DRGX: variants seen among roughly 807,000 people sequenced by gnomAD.
DRGX encodes the protein dorsal root ganglia homeobox protein.
Under a neutral mutation model 28.6 loss-of-function variants are expected in DRGX, and 21 were observed. That is an observed-to-expected ratio of 0.73 (90% confidence interval 0.52 to 1.06). The LOEUF (loss-of-function observed/expected upper bound fraction) is 1.06. DRGX is among the 50% of genes least tolerant of loss of function. The pLI, the probability that DRGX is intolerant of heterozygous loss-of-function variation, is 0.00. For synonymous variants in DRGX, 136 were observed against 139.1 expected (o/e 0.98, Z 0.16); for missense variants, 354 against 343.9 (o/e 1.03, Z -0.23).
intron 6 of DRGX, among the ~76,000 whole-genome samples, chr10:49,381,493 G>A (rs1440901132): frequency 2.0e-5 from 3 of 152,238 alleles, no homozygotes; most frequent in East Asian, 3.8e-4. Flanking sequence ...CAACCCTGCT[G>A]TGCTAGCATC....
chr10:49,384,790 T>G (rs1436217627), intron 6 of DRGX, among the ~76,000 whole-genome samples: 2 of 152,306 alleles, frequency 1.3e-5, no homozygotes, highest in East Asian at 3.9e-4. Flanking sequence ...CCCACCCTCC[T>G]GGCTGCAGTC....
At chr10:49,390,314 T>A in intron 3 of DRGX, 80 bp from the exon 4 acceptor site, 1 of 1,225,308 alleles carries the variant, frequency 8.2e-7, no homozygotes, top group Non-Finnish European at 1.2e-6. Flanking sequence ...AAATCTCCTG[T>A]GAGTGGTGAG....
intron 6 of DRGX, among the ~76,000 whole-genome samples, chr10:49,374,773 CT>C (rs2132473346): frequency 6.6e-6 from 1 of 152,324 alleles, no homozygotes; most frequent in East Asian, 1.9e-4. Context: ...TGTCTCGTCT[CT>C]GCCAATAGCA....
intron 6 of DRGX, among the ~76,000 whole-genome samples, chr10:49,385,552 T>A (rs1358925828): frequency 6.6e-6 from 1 of 152,158 alleles, no homozygotes; most frequent in Middle Eastern, 3.2e-3. Context: ...AGAAACCACC[T>A]TTGCAACACA....
chr10:49,382,832 A>G (rs189774886), intron 6 of DRGX, among the ~76,000 whole-genome samples: 493 of 152,304 alleles, frequency 3.2e-3, no homozygotes, highest in African/African-American at 0.011. Context: ...GACACTGTCT[A>G]GGGAGACTCT....
At chr10:49,372,666 A>G (rs757077581) in intron 6 of DRGX, among the ~76,000 whole-genome samples, 2 of 152,326 alleles carry the variant, frequency 1.3e-5, no homozygotes, top group Non-Finnish European at 2.9e-5. Flanking sequence ...TCCCCAGAGG[A>G]CACCATGATG....
At chr10:49,376,962 C>G (rs1022072974) in intron 6 of DRGX, among the ~76,000 whole-genome samples, 1 of 152,226 alleles carries the variant, frequency 6.6e-6, no homozygotes, top group Non-Finnish European at 1.5e-5. Context: ...AAGCCCACCC[C>G]CTAGCCCTCC....
At position 49,371,940 on chromosome 10, in the gene DRGX, A is replaced by G. The variant is rs1849663832; in HGVS notation, c.527-5559T>C. Among the ~76,000 whole-genome samples the G allele has an allele frequency of 2.0e-5, 3 of 152,200 alleles. No individual in the cohort carries two copies. In the South Asian group the frequency reaches 6.2e-4, roughly 31 times the overall value. On this transcript the variant is annotated intron_variant, in intron 6 of 6. Transcript: ENST00000374139. ...CTGATTTCCAAGACTGCCACAAACT[A>G]GAAAGAAATGTGACTGCTAGTGGCA...
At chr10:49,389,403 AC>A (rs370551266) in intron 4 of DRGX, among the ~76,000 whole-genome samples, 51 of 152,276 alleles carry the variant, frequency 3.3e-4, no homozygotes, top group African/African-American at 1.2e-3. Context: ...CATGGAGGAA[AC>A]CCCATAAATA....
In DRGX at chr10:49,386,769, C is replaced by T. The variant is rs1267317978; in HGVS notation, c.324G>A (p.Glu108=). The T allele has an allele frequency of 5.0e-6, 8 of 1,610,570 alleles. No homozygotes were observed. Among genetic ancestry groups the T allele is most frequent in the Non-Finnish European group, 6.8e-6 (8 of 1,178,424 alleles). The change falls in exon 5 of 7, where the codon GAG becomes GAA. Residue 108 remains glutamate, a synonymous_variant. Coordinates refer to ENST00000374139, the MANE Select transcript of DRGX (RefSeq NM_001276451.2). ...TGTTTCTCACTGGAGGAGGTGTCACCTCTGCCATGGGCTCCTTGGCTCCTG... is the reference window on the plus strand; with the variant it reads ...TGTTTCTCACTGGAGGAGGTGTCACTTCTGCCATGGGCTCCTTGGCTCCTG... ...QEPGAKEPMA[E]VTPPPVRNIN...
chr10:49,391,723 G>T, intron 2 of DRGX: 1 of 462,566 alleles, frequency 2.2e-6, no homozygotes. Context: ...TAAAATCTGG[G>T]GGTTAGGAGA....
chr10:49,365,983 T>C lies in DRGX; in HGVS notation c.*133A>G, dbSNP rs1849593697. Reference sequence around the variant, plus strand: ...TGCCAAGGGAGCTGTGGGTCTCACTTGCCCGTCCTGGGTCCATGCAGAGGC... The same window carrying C: ...TGCCAAGGGAGCTGTGGGTCTCACTCGCCCGTCCTGGGTCCATGCAGAGGC... On this transcript the variant is annotated 3_prime_UTR_variant, in exon 7 of 7. Coordinates refer to ENST00000374139, the MANE Select transcript of DRGX (RefSeq NM_001276451.2). The C allele has an allele frequency of 3.5e-6, 4 of 1,132,466 alleles. No individual in the cohort carries two copies. The highest frequency in any genetic ancestry group is 3.3e-5 in the Admixed American group (1 of 30,206). The allele number at this position is 1,132,466 out of a possible 1,614,324, so 70.2% of individuals were successfully genotyped here.
intron 6 of DRGX, among the ~76,000 whole-genome samples, chr10:49,385,160 G>A (rs1423723570): frequency 1.3e-5 from 2 of 152,120 alleles, no homozygotes; most frequent in Admixed American, 1.3e-4. Flanking sequence ...TTGGGGAGTG[G>A]GGGGCTTCTA....
chr10:49,391,809 A>G (rs1285064179), intron 2 of DRGX: 1 of 515,698 alleles, frequency 1.9e-6, no homozygotes, highest in Middle Eastern at 3.2e-4. Context: ...TGAGGAGGTA[A>G]GAAGTTTATA....
Position 49,372,835 on chromosome 10 carries a change from T to C in DRGX, c.527-6454A>G, listed in dbSNP as rs1849674928. ...CAGCTGTATTTTTTCCTCAGTGAAA[T>C]CTTCCCATCTGGCCAAAAAGTAATT... is the stretch of plus-strand genomic sequence containing the variant. On this transcript the variant is annotated intron_variant, in intron 6 of 6. Transcript: ENST00000374139. 2.0e-5 allele frequency among the ~76,000 whole-genome samples: 3 copies of C among 152,244 alleles called. No homozygotes were observed. In the South Asian group the frequency reaches 6.2e-4, roughly 32 times the overall value.
At chr10:49,372,130 G>C (rs1849665883) in intron 6 of DRGX, among the ~76,000 whole-genome samples, 1 of 152,192 alleles carries the variant, frequency 6.6e-6, no homozygotes, top group Non-Finnish European at 1.5e-5. Context: ...ACAAGACATG[G>C]TGTTTGACAG....
chr10:49,394,478 G>A (rs1257156234), intron 2 of DRGX, among the ~76,000 whole-genome samples: 1 of 152,136 alleles, frequency 6.6e-6, no homozygotes, highest in African/African-American at 2.4e-5. Flanking sequence ...ATGCCAGTCC[G>A]ACGGTTACAA....
At chr10:49,367,533 T>G (rs1849613871) in intron 6 of DRGX, among the ~76,000 whole-genome samples, 1 of 152,232 alleles carries the variant, frequency 6.6e-6, no homozygotes, top group South Asian at 2.1e-4. Context: ...CTGTTAGATA[T>G]TGCTTATGGC....
chr10:49,366,377 G>T lies in DRGX; in HGVS notation c.531C>A (p.Gly177=), dbSNP rs1449685212. 3.1e-6 allele frequency: 5 copies of T among 1,597,752 alleles called. No homozygotes were observed. Among genetic ancestry groups the T allele is most frequent in the Non-Finnish European group, 4.3e-6 (5 of 1,168,516 alleles). The change falls in exon 7 of 7, where the codon GGC becomes GGA. Residue 177 remains glycine (G), a synonymous_variant. Coordinates refer to ENST00000374139, the MANE Select transcript of DRGX (RefSeq NM_001276451.2). ...CTGGGACGCAGCAAGAGCACAGTGG[G>T]CCCCCTGGAAAAGGAAAAACAACAG... is the stretch of plus-strand genomic sequence containing the variant. The part of the protein sequence containing the change: ...ALSHVASLKG[G]PLCSCCVPDP...
Sources: allele counts gnomAD v4.1 joint callset (sites outside exome capture counted in the v4.1 genomes callset), GRCh38; gene constraint gnomAD v4.1.1; transcripts MANE v1.5; gene names NCBI Gene and HGNC (gene_info 2026-07-23, HGNC 2026-07-21).